TECPR2: variants seen among roughly 807,000 people sequenced by gnomAD.
TECPR2 encodes the protein tectonin beta-propeller repeat-containing protein 2.
TECPR2 carries 65 observed loss-of-function variants against 138.1 expected under a neutral mutation model. The ratio of observed to expected loss-of-function variants is 0.47; its 90% confidence interval spans 0.39 to 0.58. The LOEUF (loss-of-function observed/expected upper bound fraction) is 0.58, where lower values mean the gene tolerates loss of function less well. Among genes scored for constraint, TECPR2 ranks in the 20% least tolerant of loss-of-function variants. TECPR2 has a pLI of 0.00. For synonymous variants in TECPR2, 746 were observed against 749.8 expected (o/e 0.99, Z 0.08); for missense variants, 1,553 against 1,824.5 (o/e 0.85, Z 2.71).
intron 2 of TECPR2, among the ~76,000 whole-genome samples, chr14:102,398,788 G>A (rs895777629): frequency 2.6e-5 from 4 of 152,242 alleles, no homozygotes; most frequent in South Asian, 2.1e-4. Flanking sequence ...CTGGAAGGTC[G>A]AGGCTGCAGT....
In TECPR2 at chr14:102,502,354, T is replaced by C. The variant is rs1891463449; in HGVS notation, c.*4097T>C. 1 of 152,698 alleles carries C rather than the reference T, an allele frequency of 6.5e-6. No homozygotes were observed. The highest frequency in any genetic ancestry group is 6.5e-5 in the Admixed American group (1 of 15,286). The allele number at this position is 152,698 out of a possible 1,614,324, so 9.5% of individuals were successfully genotyped here. A position where few individuals can be genotyped will look rare whatever the true frequency, so the allele number is the denominator to read the frequency against. ...GAGGGGTGAAAAGAAACAAGTTCTC[T>C]ACTTGTGATCAGCAGCTGGTCATAG... On this transcript the variant is annotated 3_prime_UTR_variant, in exon 20 of 20. Transcript: ENST00000359520.
intron 16 of TECPR2, among the ~76,000 whole-genome samples, chr14:102,454,998 C>T (rs1890240871): frequency 6.6e-6 from 1 of 152,238 alleles, no homozygotes; most frequent in Non-Finnish European, 1.5e-5. Flanking sequence ...CCAGCACCGG[C>T]TAGCTGGCCA....
intron 5 of TECPR2, among the ~76,000 whole-genome samples, chr14:102,418,062 A>G (rs552028238): frequency 2.2e-3 from 342 of 152,240 alleles, no homozygotes; most frequent in African/African-American, 7.6e-3. Context: ...TGCTGTGGAC[A>G]TAAGGGGTTT....
chr14:102,394,667 C>G (rs1209203305), intron 2 of TECPR2, among the ~76,000 whole-genome samples: 1 of 152,190 alleles, frequency 6.6e-6, no homozygotes, highest in Non-Finnish European at 1.5e-5. Context: ...TAAAATGTGG[C>G]TAACTACAGC....
chr14:102,470,820 GTT>G (rs58304399), intron 17 of TECPR2, among the ~76,000 whole-genome samples: 14 of 123,756 alleles, frequency 1.1e-4, no homozygotes, highest in East Asian at 2.4e-4. Context: ...TGTTTCTTGT[GTT>G]TTTTTTTTTT....
At chr14:102,382,293 CAAA>C (rs538495477) in intron 2 of TECPR2, among the ~76,000 whole-genome samples, 1 of 131,268 alleles carries the variant, frequency 7.6e-6, no homozygotes. Flanking sequence ...AACTCCGTCC[CAAA>C]AAAAAAAAAG....
chr14:102,375,609 A>G (rs1403151506), intron 1 of TECPR2, among the ~76,000 whole-genome samples: 1 of 152,126 alleles, frequency 6.6e-6, no homozygotes, highest in Non-Finnish European at 1.5e-5. Context: ...TAGAAAACCT[A>G]CAGTTCAAAG....
rs772801372 is a variant in TECPR2 at position 102,496,971 on chromosome 14, G to A, written c.3790-8G>A. The A allele has an allele frequency of 3.4e-5, 55 of 1,612,806 alleles. No homozygotes were observed. Among genetic ancestry groups the A allele is most frequent in the African/African-American group, 2.4e-4 (18 of 74,888 alleles). ...CTGCCTTCCCTGAAAGTCCCTTCCC[G>A]CTTCCAGCCCGCCGGGGTCAGCTTG... On this transcript the variant is annotated splice_polypyrimidine_tract_variant and splice_region_variant and intron_variant, in intron 17 of 19. Coordinates refer to ENST00000359520, the MANE Select transcript of TECPR2 (RefSeq NM_014844.5).
At chr14:102,437,833 G>A (rs561983792) in intron 9 of TECPR2, among the ~76,000 whole-genome samples, 189 bp from the exon 10 acceptor site, 9 of 152,174 alleles carry the variant, frequency 5.9e-5, no homozygotes, top group African/African-American at 1.7e-4. Flanking sequence ...AGCAGCACGC[G>A]TCTCAGAAGG....
At chr14:102,456,146 C>T (rs751275669) in intron 16 of TECPR2, among the ~76,000 whole-genome samples, 14 of 152,166 alleles carry the variant, frequency 9.2e-5, no homozygotes, top group Non-Finnish European at 1.5e-4. Context: ...TTGGCCATCT[C>T]CGGGCGGTGT....
Position 102,438,031 on chromosome 14 carries a change from A to G in TECPR2, c.2404A>G (p.Ser802Gly). Residue 802 changes from serine (S) to glycine (G), a missense_variant, in exon 10 of 20, where the codon AGC becomes GGC. Physicochemically the swap from Ser to Gly is moderately conservative, Grantham distance 56 (BLOSUM62 0). Coordinates refer to ENST00000359520, the MANE Select transcript of TECPR2 (RefSeq NM_014844.5). The part of the protein sequence containing the change: ...GLLKPDQFAE[S>G]WMGYSGPGYG... Reference sequence around the variant, plus strand: ...GCTCTTCCCTTGTTAGTTTGCAGAAAGCTGGATGGGCTACTCGGGTCCCGG... The same window carrying G: ...GCTCTTCCCTTGTTAGTTTGCAGAAGGCTGGATGGGCTACTCGGGTCCCGG... 6.2e-7 allele frequency: 1 copy of G among 1,613,624 alleles called. No homozygotes were observed. The highest frequency in any genetic ancestry group is 2.2e-5 in the East Asian group (1 of 44,862).
At chr14:102,406,430 C>T (rs1888661519) in intron 2 of TECPR2, among the ~76,000 whole-genome samples, 1 of 152,138 alleles carries the variant, frequency 6.6e-6, no homozygotes, top group South Asian at 2.1e-4. Flanking sequence ...CCTGTGGTCC[C>T]AGCTACTCAG....
At chr14:102,426,124 G>A (rs1336146864) in intron 6 of TECPR2, among the ~76,000 whole-genome samples, 1 of 151,986 alleles carries the variant, frequency 6.6e-6, no homozygotes, top group Middle Eastern at 3.2e-3. Context: ...TGACTCAGGT[G>A]ATCCGCCAGC....
chr14:102,401,826 A>AAAG (rs1555449005), intron 2 of TECPR2, among the ~76,000 whole-genome samples: 1 of 151,150 alleles, frequency 6.6e-6, no homozygotes, highest in East Asian at 1.9e-4. Context: ...AAAAAAAAAA[A>AAAG]AGAGAGACTC....
chr14:102,481,711 T>C (rs1173471698), intron 17 of TECPR2, among the ~76,000 whole-genome samples: 1 of 152,220 alleles, frequency 6.6e-6, no homozygotes, highest in Non-Finnish European at 1.5e-5. Context: ...TTTTGCCCTC[T>C]CTGGAGAGTT....
intron 7 of TECPR2, among the ~76,000 whole-genome samples, chr14:102,431,122 C>T (rs1234947331): frequency 2.0e-5 from 3 of 148,554 alleles, no homozygotes; most frequent in African/African-American, 7.4e-5. Flanking sequence ...CTCCCAGGCT[C>T]AAATGATTCT....
At chr14:102,374,153 T>C (rs1268754888) in intron 1 of TECPR2, among the ~76,000 whole-genome samples, 1 of 152,012 alleles carries the variant, frequency 6.6e-6, no homozygotes, top group African/African-American at 2.4e-5. Context: ...TAGGGAATTA[T>C]TATTCCAGCA....
chr14:102,497,137 A>G lies in TECPR2; in HGVS notation c.3931+17A>G. 6.2e-7 allele frequency: 1 copy of G among 1,607,382 alleles called. No individual in the cohort carries two copies. On this transcript the variant is annotated intron_variant, in intron 18 of 19. Coordinates refer to ENST00000359520, the MANE Select transcript of TECPR2 (RefSeq NM_014844.5). ...ATGTGCCAGGTAGGAGCCTGCAGACAGGGCCTGTGGTGCCGGCCAGCCGGG... is the reference window on the plus strand; with the variant it reads ...ATGTGCCAGGTAGGAGCCTGCAGACGGGGCCTGTGGTGCCGGCCAGCCGGG...
intron 8 of TECPR2, among the ~76,000 whole-genome samples, chr14:102,432,446 G>C (rs987970180): frequency 2.8e-4 from 43 of 152,112 alleles, no homozygotes; most frequent in Non-Finnish European, 2.8e-4. Context: ...TTGCGACAGA[G>C]TTTCGCTCGT....
Sources: allele counts gnomAD v4.1 joint callset (sites outside exome capture counted in the v4.1 genomes callset), GRCh38; gene constraint gnomAD v4.1.1; transcripts MANE v1.5; gene names NCBI Gene and HGNC (gene_info 2026-07-23, HGNC 2026-07-21).